The following OR6C70 variants were observed in gnomAD, a reference collection of about 807,000 sequenced individuals.
The protein encoded by OR6C70 is olfactory receptor family 6 subfamily C member 70.
For synonymous variants in OR6C70, 157 were observed against 130.8 expected (o/e 1.20, Z -1.36); for missense variants, 437 against 357.5 (o/e 1.22, Z -1.79).
rs1171123758 is a variant in OR6C70 at position 55,469,621 on chromosome 12, T to G, written c.518A>C (p.Asp173Ala). 11 of 1,613,570 alleles carry G rather than the reference T, an allele frequency of 6.8e-6. No homozygotes were observed. Among genetic ancestry groups the G allele is most frequent in the Non-Finnish European group, 8.5e-6 (10 of 1,179,612 alleles). ...NLDFCASNII[D>A]HFICDISLIL... is the part of the protein sequence containing the mutation. The stretch of plus-strand genomic sequence containing the variant: ...AAGAGAAATGTCACAAATGAAATGA[T>G]CAATGATATTTGAAGCACAGAAATC... Residue 173 changes from aspartate (D) to alanine (A), a missense_variant, in exon 1 of 1, where the codon GAT becomes GCT. Coordinates refer to ENST00000327335, the MANE Select transcript of OR6C70 (RefSeq NM_001005499.1).
In OR6C70 at chr12:55,469,440, C is replaced by G. The variant is rs60683621; in HGVS notation, c.699G>C (p.Lys233Asn). 0.21 allele frequency: 339,770 copies of G among 1,613,366 alleles called. 37,941 individuals are homozygous for G. The highest frequency in any genetic ancestry group is 0.49 in the East Asian group (22,045 of 44,842). The change falls in exon 1 of 1, where the codon AAG (lysine) becomes AAC (asparagine). Residue 233 changes from lysine (K) to asparagine (N), a missense_variant. Coordinates refer to ENST00000327335, the MANE Select transcript of OR6C70 (RefSeq NM_001005499.1). Reference sequence around the variant, plus strand: ...GAGAAGAGCAGGTGGAAAAGGCTTTCTTCTTTTGCTGAGCTGAAGGGAATT... The same window carrying G: ...GAGAAGAGCAGGTGGAAAAGGCTTTGTTCTTTTGCTGAGCTGAAGGGAATT... ...ILKFPSAQQKKKAFSTCSSHM... is the reference protein window; with the variant it reads ...ILKFPSAQQKNKAFSTCSSHM...
In OR6C70 at chr12:55,469,309, G is replaced by A. The variant is rs1278886140; in HGVS notation, c.830C>T (p.Thr277Ile). 1 of 1,613,596 alleles carries A rather than the reference G, an allele frequency of 6.2e-7. No homozygotes were observed. Among genetic ancestry groups the A allele is most frequent in the South Asian group, 1.1e-5 (1 of 91,070 alleles). The change falls in exon 1 of 1, where the codon ACT (threonine) becomes ATT (isoleucine). Residue 277 changes from threonine to isoleucine, a missense_variant. By Grantham distance (89) the Thr-to-Ile change is moderately conservative. Transcript: ENST00000327335. ...ALSKGVTVLNTSVAPLLNPFI... is the reference protein window; with the variant it reads ...ALSKGVTVLNISVAPLLNPFI... ...TGGGTTTAACAACGGGGCAACTGAA[G>A]TATTGAGCACAGTTACTCCTTTGCT...
At position 55,469,844 on chromosome 12, in the gene OR6C70, A is replaced by G; in HGVS notation, c.295T>C (p.Leu99=). 1 of 1,614,174 alleles carries G rather than the reference A, an allele frequency of 6.2e-7. No individual in the cohort carries two copies. The highest frequency in any genetic ancestry group is 8.5e-7 in the Non-Finnish European group (1 of 1,180,018). ...TISCNGCISQ[L]FFYIFLGVTE... ...ACCCCCAAGAATATGTAAAAAAACA[A>G]CTGAGATATGCAACCATTACAGGAA... The change falls in exon 1 of 1, where the codon TTG becomes CTG. Residue 99 remains leucine, a synonymous_variant. Coordinates refer to ENST00000327335, the MANE Select transcript of OR6C70 (RefSeq NM_001005499.1).
In OR6C70 at chr12:55,469,759, G is replaced by C. The variant is rs750061721; in HGVS notation, c.380C>G (p.Pro127Arg). The C allele has an allele frequency of 9.3e-6, 15 of 1,614,064 alleles. No homozygotes were observed. The highest frequency in any genetic ancestry group is 8.9e-5 in the East Asian group (4 of 44,860). The change falls in exon 1 of 1, where the codon CCT (proline) becomes CGT (arginine). Residue 127 changes from proline (P) to arginine (R), a missense_variant. Coordinates refer to ENST00000327335, the MANE Select transcript of OR6C70 (RefSeq NM_001005499.1). ...ACTCATGATGGACATATAACGCAAA[G>C]GTTTGCAGATGGCAACATAGCGATC... The part of the protein sequence containing the change: ...SYDRYVAICK[P>R]LRYMSIMSNK...
chr12:55,469,359 T>G lies in OR6C70; in HGVS notation c.780A>C (p.Pro260=). ...TTAAAGCAACTCTTTCATTCGCTGATGGCTTTATGTAGATAAACATACAAC... is the reference window on the plus strand; with the variant it reads ...TTAAAGCAACTCTTTCATTCGCTGAGGGCTTTATGTAGATAAACATACAAC... ...YGSCMFIYIK[P]SANERVALSK... The change falls in exon 1 of 1, where the codon CCA becomes CCC. Residue 260 remains proline (P), a synonymous_variant. Transcript: ENST00000327335. 6.2e-7 allele frequency: 1 copy of G among 1,613,992 alleles called. No homozygotes were observed. Among genetic ancestry groups the G allele is most frequent in the Non-Finnish European group, 8.5e-7 (1 of 1,179,932 alleles).
chr12:55,469,453 G>T lies in OR6C70; in HGVS notation c.686C>A (p.Ala229Asp). The T allele has an allele frequency of 6.2e-7, 1 of 1,613,956 alleles. No homozygotes were observed. The highest frequency in any genetic ancestry group is 8.5e-7 in the Non-Finnish European group (1 of 1,179,866). ...GGAAAAGGCTTTCTTCTTTTGCTGA[G>T]CTGAAGGGAATTTCAGAATTGTCTT... The part of the protein sequence containing the change: ...IIKTILKFPS[A>D]QQKKKAFSTC... The change falls in exon 1 of 1, where the codon GCT becomes GAT. Residue 229 changes from alanine (A) to aspartate (D), a missense_variant. Ala to Asp is a moderately radical substitution (Grantham distance 126). Coordinates refer to ENST00000327335, the MANE Select transcript of OR6C70 (RefSeq NM_001005499.1).
In OR6C70 at chr12:55,469,614, G is replaced by A. The variant is rs12313730; in HGVS notation, c.525C>T (p.Phe175=). The A allele has an allele frequency of 0.26, 422,716 of 1,611,114 alleles. 59,353 individuals are homozygous for A. Among genetic ancestry groups the A allele is most frequent in the Non-Finnish European group, 0.29 (337,041 of 1,177,350 alleles). ...GTAGGATAAGAGAAATGTCACAAATGAAATGATCAATGATATTTGAAGCAC... is the reference window on the plus strand; with the variant it reads ...GTAGGATAAGAGAAATGTCACAAATAAAATGATCAATGATATTTGAAGCAC... ...DFCASNIIDH[F]ICDISLILQL... Residue 175 remains phenylalanine (F), a synonymous_variant, in exon 1 of 1, where the codon TTC becomes TTT. Coordinates refer to ENST00000327335, the MANE Select transcript of OR6C70 (RefSeq NM_001005499.1).
Position 55,469,677 on chromosome 12 carries a change from A to C in OR6C70, c.462T>G (p.Ile154Met). The C allele has an allele frequency of 6.2e-7, 1 of 1,614,046 alleles. No individual in the cohort carries two copies. Among genetic ancestry groups the C allele is most frequent in the East Asian group, 2.2e-5 (1 of 44,874 alleles). Reference sequence around the variant, plus strand: ...TAAGACCTAAAATCAGTGGAGTGAAAATGATCAGGAATCCAGTTACCCAAG... The same window carrying C: ...TAAGACCTAAAATCAGTGGAGTGAACATGATCAGGAATCCAGTTACCCAAG... ...FSSWVTGFLI[I>M]FTPLILGLNL... The change falls in exon 1 of 1, where the codon ATT becomes ATG. Residue 154 changes from isoleucine (I) to methionine (M), a missense_variant. Transcript: ENST00000327335.
chr12:55,469,650 G>C lies in OR6C70; in HGVS notation c.489C>G (p.Asn163Lys), dbSNP rs780772488. The C allele has an allele frequency of 4.3e-6, 7 of 1,613,718 alleles. No individual in the cohort carries two copies. The East Asian group carries it at 1.3e-4, about 31-fold the overall frequency. ...TGATATTTGAAGCACAGAAATCCAA[G>C]TTAAGACCTAAAATCAGTGGAGTGA... ...IIFTPLILGL[N>K]LDFCASNIID... Residue 163 changes from asparagine (N) to lysine (K), a missense_variant, in exon 1 of 1, where the codon AAC becomes AAG. Physicochemically the swap from Asn to Lys is moderately conservative, Grantham distance 94. Transcript: ENST00000327335.
At position 55,469,559 on chromosome 12, in the gene OR6C70, C is replaced by T; in HGVS notation, c.580G>A (p.Glu194Lys). 1 of 1,613,088 alleles carries T rather than the reference C, an allele frequency of 6.2e-7. No individual in the cohort carries two copies. Among genetic ancestry groups the T allele is most frequent in the Non-Finnish European group, 8.5e-7 (1 of 1,179,168 alleles). The change falls in exon 1 of 1, where the codon GAA becomes AAA. Residue 194 changes from glutamate (E) to lysine (K), a missense_variant. Glu to Lys is a moderately conservative substitution (Grantham distance 56, BLOSUM62 1). Transcript: ENST00000327335. ...QLSCSDTHLL[E>K]LIAFLLAVMT... The stretch of plus-strand genomic sequence containing the variant: ...ACAGCTAATAAAAAGGCAATCAGTT[C>T]CAGTAAATGTGTGTCTGAGCAAGAA...
rs765755155 is a variant in OR6C70, at chr12:55,469,897, AT to A, written c.241del (p.Ile81SerfsTer33). 1 of 1,614,028 alleles carries A rather than the reference AT, an allele frequency of 6.2e-7. No homozygotes were observed. Among genetic ancestry groups the A allele is most frequent in the Admixed American group, 1.7e-5 (1 of 60,008 alleles). ...GGTCTTTTCCCTGGTAACAATGGTG[AT>A]TAGGAATCTGGGAATGCAAGCAGTT... is the stretch of plus-strand genomic sequence containing the variant. The part of the protein sequence containing the change: ...FTTACIPRFL[I>X]TIVTREKTIS... On this transcript the variant is annotated frameshift_variant, in exon 1 of 1. Transcript: ENST00000327335. LOFTEE classifies it low-confidence loss of function (END_TRUNC).
Position 55,469,939 on chromosome 12 carries a change from A to G in OR6C70, c.200T>C (p.Leu67Pro). 1.2e-6 allele frequency: 2 copies of G among 1,613,770 alleles called. No homozygotes were observed. The highest frequency in any genetic ancestry group is 1.1e-5 in the South Asian group (1 of 91,058). The stretch of plus-strand genomic sequence containing the variant: ...GCAAGCAGTTGTGAATGAAATTTCC[A>G]GAAAAGAGAAATTACGGAGGAAGAA... ...MYFFLRNFSF[L>P]EISFTTACIP... The change falls in exon 1 of 1, where the codon CTG becomes CCG. Residue 67 changes from leucine (L) to proline (P), a missense_variant. Coordinates refer to ENST00000327335, the MANE Select transcript of OR6C70 (RefSeq NM_001005499.1).
chr12:55,469,622 C>T lies in OR6C70; in HGVS notation c.517G>A (p.Asp173Asn). Residue 173 changes from aspartate (D) to asparagine (N), a missense_variant, in exon 1 of 1, where the codon GAT (aspartate) becomes AAT (asparagine). Asp to Asn is a conservative substitution (Grantham distance 23). Transcript: ENST00000327335. The part of the protein sequence containing the change: ...NLDFCASNII[D>N]HFICDISLIL... ...AGAGAAATGTCACAAATGAAATGATCAATGATATTTGAAGCACAGAAATCC... is the reference window on the plus strand; with the variant it reads ...AGAGAAATGTCACAAATGAAATGATTAATGATATTTGAAGCACAGAAATCC... 1.2e-6 allele frequency: 2 copies of T among 1,613,508 alleles called. No individual in the cohort carries two copies. The highest frequency in any genetic ancestry group is 1.7e-6 in the Non-Finnish European group (2 of 1,179,556).
chr12:55,469,476 C>G lies in OR6C70; in HGVS notation c.663G>C (p.Lys221Asn), dbSNP rs1871894384. The change falls in exon 1 of 1, where the codon AAG becomes AAC. Residue 221 changes from lysine to asparagine, a missense_variant. By Grantham distance (94) the Lys-to-Asn change is moderately conservative. Coordinates refer to ENST00000327335, the MANE Select transcript of OR6C70 (RefSeq NM_001005499.1). Reference protein sequence around the residue: ...LVILSYSYIIKTILKFPSAQQ... With the variant: ...LVILSYSYIINTILKFPSAQQ... ...GAGCTGAAGGGAATTTCAGAATTGTCTTGATGATGTAAGAGTAAGAAAGGA... is the reference window on the plus strand; with the variant it reads ...GAGCTGAAGGGAATTTCAGAATTGTGTTGATGATGTAAGAGTAAGAAAGGA... The G allele has an allele frequency of 1.9e-6, 3 of 1,613,934 alleles. No individual in the cohort carries two copies. Among genetic ancestry groups the G allele is most frequent in the Middle Eastern group, 1.6e-4 (1 of 6,062 alleles).
chr12:55,469,435 G>T lies in OR6C70; in HGVS notation c.704C>A (p.Ala235Asp), dbSNP rs747700479. The T allele has an allele frequency of 8.7e-6, 14 of 1,613,494 alleles. No individual in the cohort carries two copies. The East Asian group carries it at 2.0e-4, about 23-fold the overall frequency. The part of the protein sequence containing the change: ...KFPSAQQKKK[A>D]FSTCSSHMIV... ...CATGTGAGAAGAGCAGGTGGAAAAG[G>T]CTTTCTTCTTTTGCTGAGCTGAAGG... The change falls in exon 1 of 1, where the codon GCC becomes GAC. Residue 235 changes from alanine to aspartate, a missense_variant. Transcript: ENST00000327335.
At position 55,469,420 on chromosome 12, in the gene OR6C70, G is replaced by C; in HGVS notation, c.719C>G (p.Ser240Cys). ...GATGGAGACAACAATCATGTGAGAA[G>C]AGCAGGTGGAAAAGGCTTTCTTCTT... ...QQKKKAFSTC[S>C]SHMIVVSITY... Residue 240 changes from serine to cysteine, a missense_variant, in exon 1 of 1, where the codon TCT becomes TGT. Transcript: ENST00000327335. 6.2e-7 allele frequency: 1 copy of C among 1,613,846 alleles called. No homozygotes were observed. The highest frequency in any genetic ancestry group is 8.5e-7 in the Non-Finnish European group (1 of 1,179,780).
At position 55,469,823 on chromosome 12, in the gene OR6C70, C is replaced by G; in HGVS notation, c.316G>C (p.Gly106Arg). 6.2e-7 allele frequency: 1 copy of G among 1,613,956 alleles called. No individual in the cohort carries two copies. Among genetic ancestry groups the G allele is most frequent in the Non-Finnish European group, 8.5e-7 (1 of 1,179,960 alleles). ...GCTAGAAGGAAAAATTCTGTAACCC[C>G]CAAGAATATGTAAAAAAACAACTGA... is the stretch of plus-strand genomic sequence containing the variant. ...ISQLFFYIFL[G>R]VTEFFLLAAL... The change falls in exon 1 of 1, where the codon GGG becomes CGG. Residue 106 changes from glycine (G) to arginine (R), a missense_variant. Gly to Arg is a moderately radical substitution (Grantham distance 125). Coordinates refer to ENST00000327335, the MANE Select transcript of OR6C70 (RefSeq NM_001005499.1).
In OR6C70 at chr12:55,469,593, G is replaced by C. The variant is rs774758650; in HGVS notation, c.546C>G (p.Ile182Met). Reference protein sequence around the residue: ...IDHFICDISLILQLSCSDTHL... With the variant: ...IDHFICDISLMLQLSCSDTHL... The stretch of plus-strand genomic sequence containing the variant: ...GTGTGTCTGAGCAAGAAAGTTGTAG[G>C]ATAAGAGAAATGTCACAAATGAAAT... Residue 182 changes from isoleucine (I) to methionine (M), a missense_variant, in exon 1 of 1, where the codon ATC becomes ATG. Coordinates refer to ENST00000327335, the MANE Select transcript of OR6C70 (RefSeq NM_001005499.1). 29 of 1,613,604 alleles carry C rather than the reference G, an allele frequency of 1.8e-5. No individual in the cohort carries two copies. The Admixed American group carries it at 4.8e-4, about 27-fold the overall frequency.
Position 55,469,558 on chromosome 12 carries a change from T to G in OR6C70, c.581A>C (p.Glu194Ala). The G allele has an allele frequency of 6.2e-7, 1 of 1,613,286 alleles. No individual in the cohort carries two copies. The highest frequency in any genetic ancestry group is 8.5e-7 in the Non-Finnish European group (1 of 1,179,276). Residue 194 changes from glutamate to alanine, a missense_variant, in exon 1 of 1, where the codon GAA (glutamate) becomes GCA (alanine). Coordinates refer to ENST00000327335, the MANE Select transcript of OR6C70 (RefSeq NM_001005499.1). ...CACAGCTAATAAAAAGGCAATCAGT[T>G]CCAGTAAATGTGTGTCTGAGCAAGA... ...QLSCSDTHLL[E>A]LIAFLLAVMT...
Sources: gnomAD v4.1 joint callset for allele counts on GRCh38, gnomAD v4.1.1 for gene constraint, MANE v1.5 for transcripts, NCBI Gene and HGNC (gene_info 2026-07-23, HGNC 2026-07-21) for gene names.